The following RBFOX1 variants were observed in gnomAD, a reference collection of about 807,000 sequenced individuals.
The protein encoded by RBFOX1 is RNA binding protein fox-1 homolog 1.
A neutral mutation model predicts 57.7 loss-of-function variants in RBFOX1; 8 were observed. The ratio of observed to expected loss-of-function variants is 0.14; its 90% confidence interval spans 0.08 to 0.25. The LOEUF is 0.25. RBFOX1 is among the 10% of genes least tolerant of loss of function. RBFOX1 has a pLI of 1.00. For missense variants in RBFOX1, 611 were observed against 548.5 expected (o/e 1.11, Z -1.14); for synonymous variants, 326 against 222.4 (o/e 1.47, Z -4.15).
At chr16:6,497,867 T>G (rs763244975) in intron 2 of RBFOX1, among the ~76,000 whole-genome samples, 13 of 152,198 alleles carry the variant, frequency 8.5e-5, no homozygotes, top group Non-Finnish European at 1.8e-4. Context: ...CTATTTTATA[T>G]TCACAAGTGT....
At chr16:6,820,496 A>T (rs1021748927) in intron 3 of RBFOX1, among the ~76,000 whole-genome samples, 1 of 152,070 alleles carries the variant, frequency 6.6e-6, no homozygotes. Context: ...CTCTACAGAA[A>T]AAGTTTTTAA....
At chr16:7,524,458 T>C (rs1260330943) in intron 5 of RBFOX1, among the ~76,000 whole-genome samples, 1 of 152,246 alleles carries the variant, frequency 6.6e-6, no homozygotes, top group Non-Finnish European at 1.5e-5. Context: ...TGTATTATGT[T>C]AGATACTGTT....
intron 4 of RBFOX1, among the ~76,000 whole-genome samples, chr16:6,002,596 G>A (rs912420881): frequency 7.9e-5 from 12 of 152,170 alleles, no homozygotes; most frequent in African/African-American, 2.7e-4. Flanking sequence ...CCATAATTGA[G>A]AGAAGAGAAT....
At chr16:6,345,757 A>T (rs193274655) in intron 2 of RBFOX1, among the ~76,000 whole-genome samples, 1 of 152,208 alleles carries the variant, frequency 6.6e-6, no homozygotes, top group Admixed American at 6.5e-5. Flanking sequence ...GTTAATTTAG[A>T]AAGTTTATTT....
At chr16:5,759,791 G>T (rs2053530844) in intron 3 of RBFOX1, among the ~76,000 whole-genome samples, 1 of 125,108 alleles carries the variant, frequency 8.0e-6, no homozygotes, top group South Asian at 3.0e-4. Context: ...TTCCTCTCTG[G>T]GATTTTTTTT....
intron 4 of RBFOX1, among the ~76,000 whole-genome samples, chr16:7,177,597 A>G (rs971557810): frequency 1.3e-5 from 2 of 152,188 alleles, no homozygotes; most frequent in Non-Finnish European, 2.9e-5. Flanking sequence ...TTTGTAGAAC[A>G]GGTTGCTTGC....
intron 7 of RBFOX1, among the ~76,000 whole-genome samples, chr16:7,589,766 C>T (rs2094336720): frequency 6.6e-6 from 1 of 151,932 alleles, no homozygotes; most frequent in African/African-American, 2.4e-5. Flanking sequence ...TGAACTGTTG[C>T]TATGGCCTCA....
At chr16:6,033,839 C>A (rs906833886) in intron 1 of RBFOX1, among the ~76,000 whole-genome samples, 6 of 152,170 alleles carry the variant, frequency 3.9e-5, no homozygotes, top group Admixed American at 3.3e-4. Context: ...TTTTGACAGA[C>A]ACTGCCAAAC....
At chr16:6,956,702 C>CT (rs2081924302) in intron 3 of RBFOX1, among the ~76,000 whole-genome samples, 1 of 152,144 alleles carries the variant, frequency 6.6e-6, no homozygotes, top group Non-Finnish European at 1.5e-5. Context: ...ATTTGCTCTG[C>CT]TTAATGCCTT....
chr16:6,829,936 G>A (rs944804171), intron 3 of RBFOX1, among the ~76,000 whole-genome samples: 8 of 148,728 alleles, frequency 5.4e-5, no homozygotes, highest in Admixed American at 2.0e-4. Context: ...ATTTTTTTGA[G>A]ATGGAGTTTT....
At chr16:6,886,902 G>T (rs753201557) in intron 3 of RBFOX1, among the ~76,000 whole-genome samples, 1 of 152,116 alleles carries the variant, frequency 6.6e-6, no homozygotes, top group Admixed American at 6.6e-5. Flanking sequence ...AGGTCACTTA[G>T]CCAATGAGGT....
intron 4 of RBFOX1, among the ~76,000 whole-genome samples, chr16:7,209,602 C>CTCT (rs1489166535): frequency 6.6e-6 from 1 of 152,184 alleles, no homozygotes; most frequent in East Asian, 1.9e-4. Flanking sequence ...AAAATGGCTC[C>CTCT]TCTTACCCAT....
chr16:6,677,069 A>G (rs2057853254), intron 3 of RBFOX1, among the ~76,000 whole-genome samples: 1 of 152,250 alleles, frequency 6.6e-6, no homozygotes, highest in Non-Finnish European at 1.5e-5. Flanking sequence ...TCTACTTGCA[A>G]GACTAACTGC....
chr16:7,174,195 C>T (rs1217013490), intron 4 of RBFOX1, among the ~76,000 whole-genome samples: 2 of 144,482 alleles, frequency 1.4e-5, no homozygotes, highest in African/African-American at 2.7e-5. Flanking sequence ...TTTTTTTTTT[C>T]GTGAACATGA....
At chr16:6,783,337 T>A (rs2081349817) in intron 3 of RBFOX1, among the ~76,000 whole-genome samples, 1 of 151,282 alleles carries the variant, frequency 6.6e-6, no homozygotes, top group African/African-American at 2.4e-5. Flanking sequence ...TCTTCTTGTC[T>A]TCCTTTCTAT....
Position 7,187,623 on chromosome 16 carries a change from A to G in RBFOX1, c.27+135525A>G, listed in dbSNP as rs189018777. On this transcript the variant is annotated intron_variant, in intron 4 of 15. Coordinates refer to ENST00000550418, the MANE Select transcript of RBFOX1 (RefSeq NM_018723.4). The stretch of plus-strand genomic sequence containing the variant: ...AGAATGGTGTGAACCCGGGAGGCAG[A>G]GCTTGCAGTGAGCCGAGATCGTGCC... Among the ~76,000 whole-genome samples the G allele has an allele frequency of 8.2e-5, 11 of 134,374 alleles. No individual in the cohort carries two copies. In the East Asian group the frequency reaches 2.7e-3, roughly 33 times the overall value. The allele number at this position is 134,374 out of a possible 152,430, so 88.2% of individuals were successfully genotyped here.
intron 3 of RBFOX1, among the ~76,000 whole-genome samples, chr16:6,874,317 C>G (rs1388843487): frequency 1.3e-5 from 2 of 151,868 alleles, no homozygotes; most frequent in Non-Finnish European, 2.9e-5. Flanking sequence ...TTGAGACCAG[C>G]CTGGCCAACA....
intron 3 of RBFOX1, among the ~76,000 whole-genome samples, chr16:7,008,621 C>T (rs537380631): frequency 3.8e-4 from 53 of 138,462 alleles, no homozygotes; most frequent in Admixed American, 2.5e-3. Context: ...AAATTCCCTC[C>T]CTCCCTCCCT....
intron 4 of RBFOX1, among the ~76,000 whole-genome samples, chr16:7,314,867 C>G (rs2096401679): frequency 6.6e-6 from 1 of 152,182 alleles, no homozygotes; most frequent in Non-Finnish European, 1.5e-5. Flanking sequence ...CAATTTTTCA[C>G]TGAAAAAGAA....
Sources: allele counts gnomAD v4.1 joint callset (sites outside exome capture counted in the v4.1 genomes callset), GRCh38; gene constraint gnomAD v4.1.1; transcripts MANE v1.5; gene names NCBI Gene and HGNC (gene_info 2026-07-23, HGNC 2026-07-21).